Variants in SLIT3 observed in about 807,000 individuals in gnomAD.
SLIT3 encodes the protein slit guidance ligand 3.
A neutral mutation model predicts 184.0 loss-of-function variants in SLIT3; 68 were observed. That is an observed-to-expected ratio of 0.37 (90% CI 0.30 to 0.45). The LOEUF (loss-of-function observed/expected upper bound fraction) is 0.45, where lower values mean the gene tolerates loss of function less well. SLIT3 is among the 20% of genes least tolerant of loss of function. The probability of loss-of-function intolerance (pLI) is 1.00; values close to 1 mark genes in which losing one functional copy is unlikely to be tolerated. For synonymous variants in SLIT3, 831 were observed against 828.6 expected, an observed-to-expected ratio of 1.00 and a Z score of -0.05; for missense variants, 1,707 against 2,026.0, an observed-to-expected ratio of 0.84 and a Z score of 3.02.
At chr5:169,111,848 A>C (rs894226299) in intron 4 of SLIT3, among the ~76,000 whole-genome samples, 1 of 152,232 alleles carries the variant, frequency 6.6e-6, no homozygotes, top group Admixed American at 6.5e-5. Context: ...CTCTGGGTCT[A>C]GGGGACGGTG....
chr5:169,121,109 T>G (rs927864569), intron 4 of SLIT3, among the ~76,000 whole-genome samples: 3 of 152,166 alleles, frequency 2.0e-5, no homozygotes, highest in Non-Finnish European at 4.4e-5. Flanking sequence ...AACCTAGATC[T>G]GCATAATTCC....
At chr5:168,735,493 T>C (rs978614575) in intron 20 of SLIT3, among the ~76,000 whole-genome samples, 3 of 152,128 alleles carry the variant, frequency 2.0e-5, no homozygotes, top group African/African-American at 7.2e-5. Flanking sequence ...CTTAACCTCT[T>C]TGAGCTTACA....
chr5:169,222,632 G>A (rs1275212534), intron 3 of SLIT3, among the ~76,000 whole-genome samples: 1 of 152,096 alleles, frequency 6.6e-6, no homozygotes, highest in East Asian at 1.9e-4. Flanking sequence ...CAAGTAGAAG[G>A]GTCTAAGAAA....
At chr5:169,033,571 G>A (rs1241790261) in intron 4 of SLIT3, among the ~76,000 whole-genome samples, 1 of 152,096 alleles carries the variant, frequency 6.6e-6, no homozygotes, top group African/African-American at 2.4e-5. Context: ...AATGTACAAG[G>A]GTTCTCTTTT....
At chr5:168,793,595 T>C (rs1217104300) in intron 10 of SLIT3, among the ~76,000 whole-genome samples, 2 of 152,224 alleles carry the variant, frequency 1.3e-5, no homozygotes, top group Non-Finnish European at 2.9e-5. Flanking sequence ...TTATGAATTT[T>C]GAATGCACAG....
chr5:168,766,701 T>C (rs1755358053), intron 14 of SLIT3, among the ~76,000 whole-genome samples: 1 of 152,218 alleles, frequency 6.6e-6, no homozygotes. Flanking sequence ...GTCCCTGCCA[T>C]GTTAGGGGCA....
At chr5:168,741,152 G>T (rs1763621605) in intron 20 of SLIT3, among the ~76,000 whole-genome samples, 1 of 152,144 alleles carries the variant, frequency 6.6e-6, no homozygotes, top group Non-Finnish European at 1.5e-5. Flanking sequence ...ATTGGGAAAT[G>T]CCTGGAGCCA....
intron 4 of SLIT3, among the ~76,000 whole-genome samples, chr5:168,907,864 C>G (rs1761105399): frequency 1.4e-5 from 2 of 140,296 alleles, no homozygotes; most frequent in Admixed American, 7.3e-5. Flanking sequence ...ATATCTATAT[C>G]TATAGATACA....
chr5:168,989,369 T>G (rs1755240409), intron 4 of SLIT3, among the ~76,000 whole-genome samples: 4 of 152,194 alleles, frequency 2.6e-5, no homozygotes, highest in Admixed American at 2.6e-4. Context: ...AAATAGAAGA[T>G]GAGCTGCAAA....
intron 1 of SLIT3, among the ~76,000 whole-genome samples, chr5:169,253,087 A>C (rs1289721156): frequency 2.6e-5 from 4 of 152,126 alleles, no homozygotes; most frequent in Non-Finnish European, 5.9e-5. Context: ...TTAGAAGAAA[A>C]AAAAAAAAGC....
chr5:169,061,029 G>A (rs777725969), intron 4 of SLIT3, among the ~76,000 whole-genome samples: 37 of 152,204 alleles, frequency 2.4e-4, no homozygotes, highest in Middle Eastern at 6.8e-3. Flanking sequence ...CCTGCACCCC[G>A]GTTTCCTTAT....
intron 4 of SLIT3, among the ~76,000 whole-genome samples, chr5:168,990,106 A>G (rs1043007216): frequency 4.3e-4 from 65 of 152,194 alleles, no homozygotes; most frequent in East Asian, 9.7e-4. Context: ...AGAGGATGGG[A>G]TTGTCTAATG....
At chr5:168,868,345 C>T (rs1759383023) in intron 5 of SLIT3, among the ~76,000 whole-genome samples, 1 of 152,174 alleles carries the variant, frequency 6.6e-6, no homozygotes, top group Non-Finnish European at 1.5e-5. Context: ...GGCTGGAGTG[C>T]ACTGGTGCCA....
intron 5 of SLIT3, among the ~76,000 whole-genome samples, chr5:168,847,822 C>CG (rs1758529339): frequency 6.6e-6 from 1 of 151,984 alleles, no homozygotes; most frequent in African/African-American, 2.4e-5. Context: ...TTGATGTGAC[C>CG]GGGGGGCCAC....
intron 4 of SLIT3, among the ~76,000 whole-genome samples, chr5:169,011,349 G>T (rs180936144): frequency 6.6e-6 from 1 of 152,184 alleles, no homozygotes; most frequent in Non-Finnish European, 1.5e-5. Context: ...ACCATAGTAA[G>T]TCTCCACTGC....
intron 4 of SLIT3, among the ~76,000 whole-genome samples, chr5:169,093,659 G>A (rs975843057): frequency 6.6e-6 from 1 of 152,302 alleles, no homozygotes; most frequent in South Asian, 2.1e-4. Flanking sequence ...TTTATAAGAA[G>A]TAATATATTA....
intron 4 of SLIT3, among the ~76,000 whole-genome samples, chr5:168,889,968 C>T (rs2113805197): frequency 6.6e-6 from 1 of 152,032 alleles, no homozygotes; most frequent in South Asian, 2.1e-4. Flanking sequence ...CATGGTGAAA[C>T]ACCAACTCTA....
At chr5:168,741,796 G>A (rs1233073189) in intron 20 of SLIT3, among the ~76,000 whole-genome samples, 1 of 147,384 alleles carries the variant, frequency 6.8e-6, no homozygotes, top group Non-Finnish European at 1.5e-5. Flanking sequence ...GCTGCACAAA[G>A]GGCTAAGTGC....
intron 5 of SLIT3, among the ~76,000 whole-genome samples, chr5:168,871,102 C>T (rs1003531789): frequency 4.6e-5 from 7 of 152,186 alleles, no homozygotes; most frequent in Admixed American, 2.0e-4. Context: ...TCCTTCTGGA[C>T]GCCCCAGGGT....
Sources: gnomAD v4.1 joint callset for allele counts (sites outside exome capture counted in the v4.1 genomes callset) on GRCh38, gnomAD v4.1.1 for gene constraint, MANE v1.5 for transcripts, NCBI Gene and HGNC (gene_info 2026-07-23, HGNC 2026-07-21) for gene names.